The following TRIM25 variants were observed in gnomAD, a reference collection of about 807,000 sequenced individuals.
TRIM25 encodes the protein E3 ubiquitin/ISG15 ligase TRIM25.
Under a neutral mutation model 65.2 loss-of-function variants are expected in TRIM25, and 45 were observed. The ratio of observed to expected loss-of-function variants is 0.69; its 90% CI spans 0.54 to 0.89. The LOEUF (loss-of-function observed/expected upper bound fraction) is 0.89, where lower values mean the gene tolerates loss of function less well. Among genes scored for constraint, TRIM25 ranks in the 40% least tolerant of loss-of-function variants. The pLI is 0.00. For synonymous variants in TRIM25, 321 were observed against 340.4 expected (o/e 0.94, Z 0.63); for missense variants, 714 against 803.7 (o/e 0.89, Z 1.35).
intron 5 of TRIM25, 30 bp from the exon 6 acceptor site, chr17:56,895,982 C>A (rs57332291): frequency 7.5e-6 from 12 of 1,606,660 alleles, no homozygotes; most frequent in Non-Finnish European, 1.0e-5. Context: ...GATTTAATTT[C>A]TTTTAAGGCA....
Position 56,891,882 on chromosome 17 carries a change from A to C in TRIM25, c.1711T>G (p.Ser571Ala), listed in dbSNP as rs765845402. Residue 571 changes from serine to alanine, a missense_variant, in exon 9 of 9, where the codon TCC (serine) becomes GCC (alanine). Physicochemically the swap from Ser to Ala is moderately conservative, Grantham distance 99. Transcript: ENST00000316881. ...ACGCCCACCCGCGTGGCCTTGGTGG[A>C]GGGCAGGGTTTTCTCCACGTTATTG... ...WHNNVEKTLP[S>A]TKATRVGVLL... is the part of the protein sequence containing the mutation. 6.2e-7 allele frequency: 1 copy of C among 1,614,208 alleles called. No homozygotes were observed. The highest frequency in any genetic ancestry group is 2.2e-5 in the East Asian group (1 of 44,880).
intron 1 of TRIM25, among the ~76,000 whole-genome samples, chr17:56,912,408 G>A (rs901151416): frequency 1.3e-5 from 2 of 152,222 alleles, no homozygotes; most frequent in African/African-American, 4.8e-5. Context: ...CAGGACGGAG[G>A]ACACTATGGT....
In TRIM25 at chr17:56,890,258, A is replaced by T. The variant is rs79408789; in HGVS notation, c.*1442T>A. The T allele has an allele frequency of 3.1e-3, 1,027 of 328,870 alleles. 15 individuals carry two copies. The highest frequency in any genetic ancestry group is 0.021 in the African/African-American group (964 of 46,270). The allele number at this position is 328,870 out of a possible 1,614,324, so 20.4% of individuals were successfully genotyped here. A position where few individuals can be genotyped will look rare whatever the true frequency, so the allele number is the denominator to read the frequency against. The stretch of plus-strand genomic sequence containing the variant: ...ACTCACATCCTGACAACATTAGGCT[A>T]TAAGGAGCTTGGGGAAAATCCAGCC... On this transcript the variant is annotated 3_prime_UTR_variant, in exon 9 of 9. Coordinates refer to ENST00000316881, the MANE Select transcript of TRIM25 (RefSeq NM_005082.5).
In TRIM25 at chr17:56,913,606, T is replaced by C; in HGVS notation, c.383A>G (p.Gln128Arg). 6.2e-7 allele frequency: 1 copy of C among 1,608,312 alleles called. No individual in the cohort carries two copies. Among genetic ancestry groups the C allele is most frequent in the African/African-American group, 1.3e-5 (1 of 74,964 alleles). ...TCLVCMASFC[Q>R]EHLQPHFDSP... ...GTCGAAGTGCGGCTGCAGGTGCTCC[T>C]GACAGAAGGAGGCCATGCACACCAA... Residue 128 changes from glutamine (Q) to arginine (R), a missense_variant, in exon 1 of 9, where the codon CAG becomes CGG. Gln to Arg is a conservative substitution (Grantham distance 43, BLOSUM62 1). Coordinates refer to ENST00000316881, the MANE Select transcript of TRIM25 (RefSeq NM_005082.5). The surrounding 1 kb of genome is among the most constrained non-coding windows in gnomAD (Gnocchi z 6.1).
At chr17:56,893,665 C>T (rs1185033394) in intron 8 of TRIM25, among the ~76,000 whole-genome samples, 1 of 152,202 alleles carries the variant, frequency 6.6e-6, no homozygotes, top group Admixed American at 6.5e-5. Context: ...AACAAGAAGA[C>T]GGAAAGTGGG....
intron 2 of TRIM25, among the ~76,000 whole-genome samples, chr17:56,905,913 T>A (rs1488934442): frequency 6.6e-6 from 1 of 151,948 alleles, no homozygotes; most frequent in East Asian, 1.9e-4. Context: ...CAGTGAGCTA[T>A]GATTGTTCCA....
chr17:56,901,679 G>T, intron 3 of TRIM25, 101 bp from the exon 4 acceptor site: 1 of 1,464,142 alleles, frequency 6.8e-7, no homozygotes, highest in Non-Finnish European at 9.3e-7. Context: ...GCCCAAGAGT[G>T]CTAAGTCCAA....
intron 2 of TRIM25, among the ~76,000 whole-genome samples, chr17:56,906,498 A>T (rs556168638): frequency 3.4e-5 from 5 of 148,608 alleles, no homozygotes; most frequent in Admixed American, 2.0e-4. Flanking sequence ...CTTCGCCAAT[A>T]TTTTTTTTTT....
At chr17:56,912,606 C>G (rs998109733) in intron 1 of TRIM25, among the ~76,000 whole-genome samples, 1 of 152,178 alleles carries the variant, frequency 6.6e-6, no homozygotes, top group Non-Finnish European at 1.5e-5. Flanking sequence ...GACCTGGATA[C>G]GAGGCTGGTC....
chr17:56,908,821 C>T (rs1909571772), intron 1 of TRIM25: 1 of 439,664 alleles, frequency 2.3e-6, no homozygotes, highest in Non-Finnish European at 4.2e-6. Flanking sequence ...GCAACTGTGT[C>T]CTTCACCTCA....
chr17:56,892,317 A>G (rs1909192563), intron 8 of TRIM25, 88 bp from the exon 9 acceptor site: 3 of 1,441,606 alleles, frequency 2.1e-6, no homozygotes, highest in African/African-American at 2.8e-5. Context: ...TTTATTCACT[A>G]GTTTTATCCA....
At chr17:56,896,130 G>A (rs889739062) in intron 5 of TRIM25, among the ~76,000 whole-genome samples, 178 bp from the exon 6 acceptor site, 5 of 152,164 alleles carry the variant, frequency 3.3e-5, no homozygotes, top group Non-Finnish European at 5.9e-5. Flanking sequence ...CAGCATGAGC[G>A]GTCGTGGGGG....
At chr17:56,896,054 A>C in intron 5 of TRIM25, 102 bp from the exon 6 acceptor site, 1 of 1,266,136 alleles carries the variant, frequency 7.9e-7, no homozygotes. Flanking sequence ...CAGACAAATA[A>C]AAGGATGTTT....
chr17:56,908,475 T>A lies in TRIM25; in HGVS notation c.686A>T (p.Asp229Val), dbSNP rs1909563729. 1.9e-6 allele frequency: 3 copies of A among 1,613,906 alleles called. No individual in the cohort carries two copies. Among genetic ancestry groups the A allele is most frequent in the Non-Finnish European group, 1.7e-6 (2 of 1,180,028 alleles). Residue 229 changes from aspartate to valine, a missense_variant, in exon 2 of 9, where the codon GAT (aspartate) becomes GTT (valine). Transcript: ENST00000316881. ...ALDDVRNRQQDVRMTANRKVE... is the reference protein window; with the variant it reads ...ALDDVRNRQQVVRMTANRKVE... ...GAGAGCCCTGCCACTCACCCGCACA[T>A]CCTGCTGCCTGTTTCTCACATCATC...
In TRIM25 at chr17:56,914,031, C is replaced by G; in HGVS notation, c.-43G>C. On this transcript the variant is annotated 5_prime_UTR_variant, in exon 1 of 9. Transcript: ENST00000316881. ...GGACACAACTGCTGCACCCGCGCTC[C>G]GAGGCCGCCGAGGAAACGAAACCTA... 1.4e-6 allele frequency: 2 copies of G among 1,405,806 alleles called. No homozygotes were observed. Among genetic ancestry groups the G allele is most frequent in the Non-Finnish European group, 9.3e-7 (1 of 1,070,872 alleles). 87.1% of individuals were successfully genotyped at this position (1,405,806 alleles called of 1,614,324 possible). A position where few individuals can be genotyped will look rare whatever the true frequency, so the allele number is the denominator to read the frequency against.
chr17:56,912,476 C>T (rs1022545918), intron 1 of TRIM25, among the ~76,000 whole-genome samples: 1 of 152,116 alleles, frequency 6.6e-6, no homozygotes, highest in African/African-American at 2.4e-5. Context: ...ACGCTGCCCA[C>T]CCTCCCTCTT....
At chr17:56,910,615 C>A (rs1795028090) in intron 1 of TRIM25, among the ~76,000 whole-genome samples, 2 of 152,136 alleles carry the variant, frequency 1.3e-5, no homozygotes, top group African/African-American at 4.8e-5. Flanking sequence ...TGCGGCAGTA[C>A]CCTCATCATG....
In TRIM25 at chr17:56,889,860, C is replaced by A; in HGVS notation, c.*1840G>T. ...GAAGAATCACCAAAGAACTTTTCTT[C>A]CAAGTAGTAAAGGAATAAAACTTCT... On this transcript the variant is annotated 3_prime_UTR_variant, in exon 9 of 9. Transcript: ENST00000316881. The A allele has an allele frequency of 2.5e-6, 1 of 398,596 alleles. No homozygotes were observed. Among genetic ancestry groups the A allele is most frequent in the Non-Finnish European group, 4.4e-6 (1 of 226,062 alleles). The allele number at this position is 398,596 out of a possible 1,614,324, so 24.7% of individuals were successfully genotyped here.
intron 8 of TRIM25, among the ~76,000 whole-genome samples, chr17:56,894,795 AG>A (rs1180320581): frequency 6.6e-6 from 1 of 152,188 alleles, no homozygotes; most frequent in Non-Finnish European, 1.5e-5. Context: ...GTCTTGGGAA[AG>A]GGGCCAGGAG....
Sources: gnomAD v4.1 joint callset for allele counts (sites outside exome capture counted in the v4.1 genomes callset) on GRCh38, gnomAD v4.1.1 for gene constraint, Gnocchi (gnomAD v3.1) non-coding constraint, MANE v1.5 for transcripts, NCBI Gene and HGNC (gene_info 2026-07-23, HGNC 2026-07-21) for gene names.